CPA6: variants seen among roughly 807,000 people sequenced by gnomAD.
CPA6 encodes carboxypeptidase B.
CPA6 carries 58 observed loss-of-function variants against 63.3 expected under a neutral mutation model. The ratio of observed to expected loss-of-function variants is 0.92; its 90% CI spans 0.74 to 1.14. The LOEUF is 1.14. CPA6 is among the 50% of genes most tolerant of loss of function. The probability of loss-of-function intolerance (pLI) is 0.00; values close to 1 mark genes in which losing one functional copy is unlikely to be tolerated. For missense variants in CPA6, 565 were observed against 526.6 expected (o/e 1.07, Z -0.71); for synonymous variants, 185 against 179.0 (o/e 1.03, Z -0.27).
intron 2 of CPA6, among the ~76,000 whole-genome samples, chr8:67,608,322 A>G (rs1814719588): frequency 6.6e-6 from 1 of 152,204 alleles, no homozygotes; most frequent in South Asian, 2.1e-4. Context: ...CCCAGGCTCC[A>G]TGAGCAGAAG....
At chr8:67,538,080 T>C (rs1289457793) in intron 2 of CPA6, among the ~76,000 whole-genome samples, 2 of 152,178 alleles carry the variant, frequency 1.3e-5, no homozygotes, top group African/African-American at 4.8e-5. Context: ...TCTTTTGCAT[T>C]TGCTGAGGAA....
At chr8:67,561,707 T>C (rs570624121) in intron 2 of CPA6, among the ~76,000 whole-genome samples, 1 of 152,248 alleles carries the variant, frequency 6.6e-6, no homozygotes, top group South Asian at 2.1e-4. Flanking sequence ...AAGTAATATA[T>C]CGGTGTTAAT....
chr8:67,726,734 T>G (rs1042888063), intron 1 of CPA6, among the ~76,000 whole-genome samples: 2 of 152,264 alleles, frequency 1.3e-5, no homozygotes, highest in African/African-American at 4.8e-5. Flanking sequence ...AGGGAGGTTC[T>G]GGCATTATTC....
intron 8 of CPA6, among the ~76,000 whole-genome samples, chr8:67,480,816 C>A (rs1313943121): frequency 6.6e-6 from 1 of 152,150 alleles, no homozygotes; most frequent in Non-Finnish European, 1.5e-5. Context: ...TTTTTTTACA[C>A]CCTCACCAAC....
In CPA6 at chr8:67,727,440, T is replaced by A. The variant is rs564125903; in HGVS notation, c.116+18574A>T. Among the ~76,000 whole-genome samples, 138 of 152,280 alleles carry A rather than the reference T, an allele frequency of 9.1e-4. 2 individuals are homozygous for A. In the Middle Eastern group the frequency reaches 0.031, roughly 34 times the overall value. Reference sequence around the variant, plus strand: ...CCTTCTCTTGTCTGCAGTTCCCCACTGCCCCCCTTAACCCCCACAGGGAGA... The same window carrying A: ...CCTTCTCTTGTCTGCAGTTCCCCACAGCCCCCCTTAACCCCCACAGGGAGA... On this transcript the variant is annotated intron_variant, in intron 1 of 10. Transcript: ENST00000297770.
intron 2 of CPA6, among the ~76,000 whole-genome samples, chr8:67,541,912 T>C (rs533650179): frequency 6.6e-6 from 1 of 152,352 alleles, no homozygotes; most frequent in East Asian, 1.9e-4. Flanking sequence ...TTGGTCTCAC[T>C]GGGAGCTGCG....
chr8:67,446,219 T>TC (rs1810410343), intron 8 of CPA6, among the ~76,000 whole-genome samples: 1 of 142,318 alleles, frequency 7.0e-6, no homozygotes, highest in South Asian at 2.3e-4. Flanking sequence ...TGAGTGGAGA[T>TC]GCGCCACTGC....
At chr8:67,619,590 C>A (rs2128986308) in intron 2 of CPA6, among the ~76,000 whole-genome samples, 1 of 152,232 alleles carries the variant, frequency 6.6e-6, no homozygotes, top group Non-Finnish European at 1.5e-5. Context: ...ACCACCTGCT[C>A]CCCACATTGT....
At chr8:67,482,341 C>T (rs998451390) in intron 8 of CPA6, among the ~76,000 whole-genome samples, 5 of 152,156 alleles carry the variant, frequency 3.3e-5, no homozygotes, top group African/African-American at 1.2e-4. Context: ...AAAATGGCCC[C>T]ATCAGAGAGA....
At chr8:67,566,585 G>T (rs528300317) in intron 2 of CPA6, among the ~76,000 whole-genome samples, 2 of 152,262 alleles carry the variant, frequency 1.3e-5, no homozygotes, top group South Asian at 2.1e-4. Context: ...TACTTCTGCT[G>T]TCTCCTGACT....
At chr8:67,709,794 C>T (rs1229275146) in intron 1 of CPA6, among the ~76,000 whole-genome samples, 1 of 152,062 alleles carries the variant, frequency 6.6e-6, no homozygotes, top group East Asian at 1.9e-4. Flanking sequence ...GGGTGGGGAG[C>T]TCATACAGGT....
At chr8:67,587,090 C>T (rs749918926) in intron 2 of CPA6, among the ~76,000 whole-genome samples, 2 of 152,056 alleles carry the variant, frequency 1.3e-5, no homozygotes, top group South Asian at 2.1e-4. Flanking sequence ...TTCGCTAGAG[C>T]GAAATGTGAA....
At chr8:67,481,814 T>C (rs1811366689) in intron 8 of CPA6, among the ~76,000 whole-genome samples, 1 of 152,188 alleles carries the variant, frequency 6.6e-6, no homozygotes, top group Non-Finnish European at 1.5e-5. Flanking sequence ...GGGATGGACC[T>C]GACCCTGGGA....
chr8:67,553,737 G>A (rs1013756546), intron 2 of CPA6, among the ~76,000 whole-genome samples: 1 of 152,046 alleles, frequency 6.6e-6, no homozygotes, highest in African/African-American at 2.4e-5. Context: ...ATAAAATGTG[G>A]CATTTTAGTA....
rs10448030 is a variant in CPA6 at position 67,607,184 on chromosome 8, T to C, written c.192+16992A>G. 3.0e-3 allele frequency among the ~76,000 whole-genome samples: 76 copies of C among 25,140 alleles called. 2 individuals carry two copies. Among genetic ancestry groups the C allele is most frequent in the African/African-American group, 6.6e-3 (37 of 5,588 alleles). 16.5% of individuals were successfully genotyped at this position (25,140 alleles called of 152,430 possible). On this transcript the variant is annotated intron_variant, in intron 2 of 10. Transcript: ENST00000297770. ...CTTCTTCTTCCTCTTCTTCTTCTTC[T>C]TCTTCTTCTTCTTCTTCTTCTTCTT...
chr8:67,711,045 G>GCCTGGTTTGAGTTA (rs1214926804), intron 1 of CPA6, among the ~76,000 whole-genome samples: 1 of 152,134 alleles, frequency 6.6e-6, no homozygotes, highest in Non-Finnish European at 1.5e-5. Context: ...GGTCCAAAGT[G>GCCTGGTTTGAGTTA]CCTGGTTTGA....
rs1207452488 is a variant in CPA6, at chr8:67,422,171, C to A, written c.*333G>T. 2.5e-5 allele frequency: 5 copies of A among 200,644 alleles called. No homozygotes were observed. The highest frequency in any genetic ancestry group is 5.0e-5 in the Non-Finnish European group (5 of 99,762). 12.4% of individuals were successfully genotyped at this position (200,644 alleles called of 1,614,324 possible). On this transcript the variant is annotated 3_prime_UTR_variant, in exon 11 of 11. Transcript: ENST00000297770. ...ATTAAACATCATTACTAGCCTAGAT[C>A]CTAATTGAGGACATGAGATTTATTG...
At chr8:67,519,781 C>T (rs12115004) in intron 2 of CPA6, among the ~76,000 whole-genome samples, 12,058 of 152,202 alleles carry the variant, frequency 0.079, 1,191 homozygotes, top group African/African-American at 0.23. Flanking sequence ...AAACTCTCCC[C>T]AATAGGTGTG....
rs1222904275 is a variant in CPA6, at chr8:67,680,991, C to A, written c.117-56740G>T. On this transcript the variant is annotated intron_variant, in intron 1 of 10. Transcript: ENST00000297770. The stretch of plus-strand genomic sequence containing the variant: ...TGAGTTTCAAGAGTTCTTTATATAT[C>A]CTGGATACAAGTCTTTTATCAAATA... Among the ~76,000 whole-genome samples, 11 of 151,856 alleles carry A rather than the reference C, an allele frequency of 7.2e-5. No homozygotes were observed. In the East Asian group the frequency reaches 2.1e-3, roughly 29 times the overall value.
Sources: allele counts gnomAD v4.1 joint callset (sites outside exome capture counted in the v4.1 genomes callset), GRCh38; gene constraint gnomAD v4.1.1; transcripts MANE v1.5; gene names NCBI Gene and HGNC (gene_info 2026-07-23, HGNC 2026-07-21).